Variants in CTNNA2 observed in about 807,000 individuals in gnomAD.
The protein encoded by CTNNA2 is catenin alpha 2, also known as catenin alpha-2.
CTNNA2 carries 42 observed loss-of-function variants against 101.0 expected under a neutral mutation model. The ratio of observed to expected loss-of-function variants is 0.42; its 90% confidence interval spans 0.32 to 0.54. The LOEUF (loss-of-function observed/expected upper bound fraction) is 0.54, where lower values mean the gene tolerates loss of function less well. Ranked by LOEUF, CTNNA2 falls within the 20% of genes least tolerant of loss-of-function variation. The pLI is 0.14. For synonymous variants in CTNNA2, 450 were observed against 456.4 expected (o/e 0.99, Z 0.18); for missense variants, 871 against 1,223.1 (o/e 0.71, Z 4.29).
At chr2:80,402,225 A>G (rs1326588411) in intron 8 of CTNNA2, among the ~76,000 whole-genome samples, 1 of 152,188 alleles carries the variant, frequency 6.6e-6, no homozygotes, top group Non-Finnish European at 1.5e-5. Context: ...AGGGGCTCAG[A>G]GCTTCCATGC....
chr2:79,559,768 T>G (rs1410564210), intron 1 of CTNNA2, among the ~76,000 whole-genome samples: 1 of 151,750 alleles, frequency 6.6e-6, no homozygotes, highest in African/African-American at 2.4e-5. Flanking sequence ...AGATAAAGAC[T>G]TCAAAGTTAA....
intron 7 of CTNNA2, chr2:80,162,669 G>A (rs1704404798): frequency 1.9e-6 from 3 of 1,612,734 alleles, no homozygotes; most frequent in South Asian, 1.1e-5. Flanking sequence ...TGATGATGGT[G>A]TACCTTGGCG....
At chr2:80,023,552 C>G (rs962129285) in intron 7 of CTNNA2, among the ~76,000 whole-genome samples, 9 of 152,050 alleles carry the variant, frequency 5.9e-5, no homozygotes, top group Non-Finnish European at 1.2e-4. Context: ...GGTTCTATTT[C>G]CAAAGTACGT....
At chr2:79,321,731 A>G (rs1676628144) in intron 3 of CTNNA2, among the ~76,000 whole-genome samples, 1 of 152,160 alleles carries the variant, frequency 6.6e-6, no homozygotes, top group Non-Finnish European at 1.5e-5. Context: ...TGAGTTAGAG[A>G]GCAGAGACAA....
chr2:79,986,010 T>C (rs1691734437), intron 7 of CTNNA2, among the ~76,000 whole-genome samples: 1 of 152,104 alleles, frequency 6.6e-6, no homozygotes, highest in Non-Finnish European at 1.5e-5. Flanking sequence ...CCAGCCTCTG[T>C]TTTAATATGT....
chr2:79,724,011 T>C (rs1686655073), intron 2 of CTNNA2, among the ~76,000 whole-genome samples: 1 of 152,182 alleles, frequency 6.6e-6, no homozygotes, highest in Non-Finnish European at 1.5e-5. Flanking sequence ...GCACCAACTG[T>C]TTTGTCTACA....
intron 2 of CTNNA2, among the ~76,000 whole-genome samples, chr2:79,680,402 C>T (rs1382559232): frequency 6.6e-6 from 1 of 152,034 alleles, no homozygotes; most frequent in Non-Finnish European, 1.5e-5. Context: ...GGGACAGTCC[C>T]ACTGATGTAC....
chr2:79,786,130 A>G (rs773587116), intron 3 of CTNNA2, among the ~76,000 whole-genome samples: 3 of 151,420 alleles, frequency 2.0e-5, no homozygotes, highest in Non-Finnish European at 4.4e-5. Flanking sequence ...GAAAAACACT[A>G]ACAAGTGCTT....
intron 7 of CTNNA2, among the ~76,000 whole-genome samples, chr2:80,063,442 A>G (rs2148761740): frequency 6.6e-6 from 1 of 152,380 alleles, no homozygotes; most frequent in South Asian, 2.1e-4. Flanking sequence ...GTAAAAAATA[A>G]AAGAAAAAAA....
intron 9 of CTNNA2, among the ~76,000 whole-genome samples, chr2:80,531,973 A>G (rs375944997): frequency 2.0e-5 from 3 of 152,206 alleles, no homozygotes; most frequent in African/African-American, 4.8e-5. Context: ...CTCTGTCACA[A>G]CTACCCAAAT....
At chr2:80,114,515 C>T (rs1325654300) in intron 7 of CTNNA2, among the ~76,000 whole-genome samples, 2 of 152,194 alleles carry the variant, frequency 1.3e-5, no homozygotes, top group Non-Finnish European at 2.9e-5. Flanking sequence ...ATCCTCTGCT[C>T]ATCTGACACC....
At chr2:79,706,293 G>A (rs1685361756) in intron 2 of CTNNA2, among the ~76,000 whole-genome samples, 1 of 151,146 alleles carries the variant, frequency 6.6e-6, no homozygotes, top group African/African-American at 2.4e-5. Context: ...AACCCGGGAG[G>A]CGGAGCTTGC....
At chr2:79,520,747 G>A (rs148697703) in intron 1 of CTNNA2, among the ~76,000 whole-genome samples, 51 of 152,082 alleles carry the variant, frequency 3.4e-4, no homozygotes, top group African/African-American at 9.4e-4. Flanking sequence ...ATAATTCACC[G>A]AAATAATTAA....
chr2:79,361,093 A>G (rs959669170), intron 3 of CTNNA2, among the ~76,000 whole-genome samples: 1 of 152,160 alleles, frequency 6.6e-6, no homozygotes, highest in African/African-American at 2.4e-5. Context: ...CTGCTTAACT[A>G]TTATTACTTT....
intron 7 of CTNNA2, among the ~76,000 whole-genome samples, chr2:80,081,164 C>A (rs1699119916): frequency 6.6e-6 from 1 of 150,708 alleles, no homozygotes; most frequent in Admixed American, 6.6e-5. Context: ...TTAATAAAAA[C>A]AACATTCTTG....
chr2:80,197,606 C>T (rs1428525360), intron 7 of CTNNA2, among the ~76,000 whole-genome samples: 1 of 152,156 alleles, frequency 6.6e-6, no homozygotes, highest in African/African-American at 2.4e-5. Context: ...TCTCCCACCT[C>T]AGAACATTCA....
intron 3 of CTNNA2, among the ~76,000 whole-genome samples, chr2:79,765,232 C>A (rs1055165984): frequency 6.6e-6 from 1 of 151,948 alleles, no homozygotes; most frequent in African/African-American, 2.4e-5. Flanking sequence ...ATTTGTTGAC[C>A]GTGGTTGAAA....
intron 8 of CTNNA2, among the ~76,000 whole-genome samples, chr2:80,412,505 C>G (rs1679676623): frequency 6.6e-6 from 1 of 152,132 alleles, no homozygotes; most frequent in Admixed American, 6.5e-5. Context: ...GAAATGGCAC[C>G]AAACTAGTCC....
Position 80,069,260 on chromosome 2 carries a change from T to G in CTNNA2, c.1056+159463T>G, listed in dbSNP as rs544567583. Among the ~76,000 whole-genome samples the G allele has an allele frequency of 2.6e-5, 4 of 152,264 alleles. No individual in the cohort carries two copies. The South Asian group carries it at 8.3e-4, about 32-fold the overall frequency. On this transcript the variant is annotated intron_variant, in intron 7 of 18. Coordinates refer to ENST00000402739, the MANE Select transcript of CTNNA2 (RefSeq NM_001282597.3). ...GCACACTGGTAAAGGTAGTTCTTCT[T>G]TACTCAGACTACCGATTCAAATGCT...
Sources: gnomAD v4.1 joint callset for allele counts (sites outside exome capture counted in the v4.1 genomes callset) on GRCh38, gnomAD v4.1.1 for gene constraint, MANE v1.5 for transcripts, NCBI Gene and HGNC (gene_info 2026-07-23, HGNC 2026-07-21) for gene names.